The following CSMD1 variants were observed in gnomAD, a reference collection of about 807,000 sequenced individuals.
CSMD1 encodes the protein CUB and Sushi multiple domains 1, also known as CUB and sushi domain-containing protein 1.
In CSMD1, 213 loss-of-function variants were observed where a neutral mutation model predicts 417.5. The observed-to-expected ratio is 0.51, with a 90% CI of 0.46 to 0.57. The LOEUF (loss-of-function observed/expected upper bound fraction) is 0.57, where lower values mean the gene tolerates loss of function less well. CSMD1 is among the 20% of genes least tolerant of loss of function. The pLI, the probability that CSMD1 is intolerant of heterozygous loss-of-function variation, is 0.00. For missense variants in CSMD1, 6,923 were observed against 4,529.7 expected (o/e 1.53, Z -15.17); for synonymous variants, 2,862 against 1,736.8 (o/e 1.65, Z -16.11).
At chr8:3,763,151 A>C (rs1412423185) in intron 5 of CSMD1, among the ~76,000 whole-genome samples, 1 of 152,196 alleles carries the variant, frequency 6.6e-6, no homozygotes, top group Non-Finnish European at 1.5e-5. Flanking sequence ...TAAGCCAAAG[A>C]GGTCTCTTCA....
intron 3 of CSMD1, among the ~76,000 whole-genome samples, chr8:4,195,845 A>T (rs1197799295): frequency 6.6e-6 from 1 of 152,144 alleles, no homozygotes. Context: ...CAGTGGAATT[A>T]ACGCCTTGAT....
intron 23 of CSMD1, among the ~76,000 whole-genome samples, chr8:3,313,478 T>A (rs1480809862): frequency 2.6e-5 from 4 of 152,098 alleles, no homozygotes; most frequent in African/African-American, 4.8e-5. Flanking sequence ...TCTCAAAAGA[T>A]GACATTTATG....
chr8:3,306,704 T>G (rs62504425), intron 25 of CSMD1, among the ~76,000 whole-genome samples: 1 of 152,090 alleles, frequency 6.6e-6, no homozygotes, highest in African/African-American at 2.4e-5. Flanking sequence ...TAAAAAGGAT[T>G]GGTTAGGACT....
In CSMD1 at chr8:4,239,387, G is replaced by A. The variant is rs558932887; in HGVS notation, c.415+180566C>T. ...GAAGCTGTTTTCTCATTTGGCCATG[G>A]TTGGGATCTATCTAACTGTGATTCA... On this transcript the variant is annotated intron_variant, in intron 3 of 69. Coordinates refer to ENST00000635120, the MANE Select transcript of CSMD1 (RefSeq NM_033225.6). 4.6e-5 allele frequency among the ~76,000 whole-genome samples: 7 copies of A among 152,242 alleles called. No individual in the cohort carries two copies. In the South Asian group the frequency reaches 1.2e-3, roughly 27 times the overall value.
intron 2 of CSMD1, among the ~76,000 whole-genome samples, chr8:4,461,812 C>T (rs1324299002): frequency 6.7e-6 from 1 of 149,370 alleles, no homozygotes; most frequent in Non-Finnish European, 1.5e-5. Flanking sequence ...ACGATCTCAG[C>T]TCACTGCAAG....
chr8:3,433,316 A>G (rs1337392787), intron 12 of CSMD1, among the ~76,000 whole-genome samples: 1 of 152,236 alleles, frequency 6.6e-6, no homozygotes, highest in African/African-American at 2.4e-5. Flanking sequence ...TTTCCTTGAC[A>G]GGGACTTCCA....
intron 7 of CSMD1, among the ~76,000 whole-genome samples, chr8:3,696,895 G>T (rs572178074): frequency 1.3e-5 from 2 of 152,082 alleles, no homozygotes; most frequent in African/African-American, 2.4e-5. Context: ...CATGAAAATA[G>T]ATTTATGAAA....
At chr8:4,588,224 G>A (rs914641240) in intron 2 of CSMD1, among the ~76,000 whole-genome samples, 5 of 151,950 alleles carry the variant, frequency 3.3e-5, no homozygotes, top group African/African-American at 1.2e-4. Context: ...TATTGCTGGT[G>A]TTGATTACAA....
intron 26 of CSMD1, among the ~76,000 whole-genome samples, chr8:3,262,184 A>AAAAATATATACATAT (rs1420684024): frequency 4.7e-5 from 3 of 63,174 alleles, no homozygotes; most frequent in Admixed American, 1.8e-4. Context: ...TGCTCATATG[A>AAAAATATATACATAT]ATATATATAT....
At chr8:3,086,193 G>GAA (rs58057205) in intron 49 of CSMD1, among the ~76,000 whole-genome samples, 1 of 151,318 alleles carries the variant, frequency 6.6e-6, no homozygotes, top group Non-Finnish European at 1.5e-5. Flanking sequence ...TTCTTGTAAA[G>GAA]AAAAAAAAAT....
chr8:3,525,867 A>T (rs1797732153), intron 10 of CSMD1, among the ~76,000 whole-genome samples: 1 of 152,144 alleles, frequency 6.6e-6, no homozygotes, highest in Admixed American at 6.5e-5. Flanking sequence ...CCATTAGAAA[A>T]TGTTATTAAC....
At chr8:3,931,353 C>G (rs534909026) in intron 5 of CSMD1, among the ~76,000 whole-genome samples, 2 of 150,670 alleles carry the variant, frequency 1.3e-5, no homozygotes, top group South Asian at 2.1e-4. Context: ...CTCTCTCTCC[C>G]TCCCTCATTT....
intron 69 of CSMD1, among the ~76,000 whole-genome samples, chr8:2,941,735 C>T (rs192719108): frequency 5.2e-4 from 79 of 152,276 alleles, no homozygotes; most frequent in African/African-American, 1.8e-3. Context: ...ATCTATATTG[C>T]TTACTACATA....
chr8:4,628,391 TATACAC>T (rs1008788254), intron 2 of CSMD1, among the ~76,000 whole-genome samples: 1 of 137,596 alleles, frequency 7.3e-6, no homozygotes, highest in Non-Finnish European at 1.6e-5. Flanking sequence ...CACACATATA[TATACAC>T]ATATATATAC....
intron 6 of CSMD1, among the ~76,000 whole-genome samples, chr8:3,742,481 T>G (rs900345714): frequency 6.6e-6 from 1 of 152,242 alleles, no homozygotes; most frequent in African/African-American, 2.4e-5. Flanking sequence ...CTATGATTTA[T>G]ACATTTTTAA....
At chr8:3,532,993 T>C (rs1252989818) in intron 10 of CSMD1, among the ~76,000 whole-genome samples, 1 of 152,198 alleles carries the variant, frequency 6.6e-6, no homozygotes, top group Non-Finnish European at 1.5e-5. Flanking sequence ...TACATTCCCT[T>C]CTACTCATAA....
chr8:3,634,941 T>C (rs537624620), intron 7 of CSMD1, among the ~76,000 whole-genome samples: 23 of 152,192 alleles, frequency 1.5e-4, no homozygotes, highest in Admixed American at 1.3e-3. Context: ...TCACACCACA[T>C]GTGACTGTAC....
intron 2 of CSMD1, among the ~76,000 whole-genome samples, chr8:4,590,627 G>C (rs916225119): frequency 2.6e-5 from 4 of 151,984 alleles, no homozygotes; most frequent in African/African-American, 9.7e-5. Flanking sequence ...AATATATGTT[G>C]TTCAAAGTTG....
chr8:4,723,124 A>T (rs900329716), intron 1 of CSMD1, among the ~76,000 whole-genome samples: 1 of 152,140 alleles, frequency 6.6e-6, no homozygotes, highest in Non-Finnish European at 1.5e-5. Context: ...TACACCTAAC[A>T]CCATTAAAAT....
Sources: allele counts gnomAD v4.1 joint callset (sites outside exome capture counted in the v4.1 genomes callset), GRCh38; gene constraint gnomAD v4.1.1; transcripts MANE v1.5; gene names NCBI Gene and HGNC (gene_info 2026-07-23, HGNC 2026-07-21).